Variants in C3orf22 observed in about 807,000 individuals in gnomAD.
C3orf22 encodes uncharacterized protein C3orf22.
Under a neutral mutation model 10.8 loss-of-function variants are expected in C3orf22, and 7 were observed. The ratio of observed to expected loss-of-function variants is 0.65; its 90% CI spans 0.37 to 1.22. The LOEUF (loss-of-function observed/expected upper bound fraction) is 1.22. Among genes scored for constraint, C3orf22 ranks in the 50% most tolerant of loss-of-function variants. C3orf22 has a pLI of 0.02. For missense variants in C3orf22, 173 were observed against 177.0 expected, an observed-to-expected ratio of 0.98 and a Z score of 0.13; for synonymous variants, 79 against 78.9, an observed-to-expected ratio of 1.00 and a Z score of 0.00.
intron 4 of C3orf22, among the ~76,000 whole-genome samples, chr3:126,543,908 G>T (rs1357278442): frequency 6.6e-6 from 1 of 152,246 alleles, no homozygotes; most frequent in South Asian, 2.1e-4. Context: ...TCCCCATGAG[G>T]CCTCCCCCAG....
At chr3:126,556,833 T>A (rs79953019) in intron 1 of C3orf22, among the ~76,000 whole-genome samples, 16 of 146,482 alleles carry the variant, frequency 1.1e-4, no homozygotes, top group African/African-American at 1.5e-4. Context: ...ACATACACAC[T>A]CACACACAGA....
At chr3:126,552,212 C>A (rs928950928) in intron 2 of C3orf22, 90 bp from the exon 3 acceptor site, 1 of 1,589,634 alleles carries the variant, frequency 6.3e-7, no homozygotes, top group African/African-American at 1.4e-5. Flanking sequence ...ATCTGCTAGG[C>A]ACTGTTCTAA....
chr3:126,528,216 A>G (rs1222832205), intron 5 of C3orf22, among the ~76,000 whole-genome samples: 1 of 151,942 alleles, frequency 6.6e-6, no homozygotes, highest in South Asian at 2.1e-4. Flanking sequence ...TCAGTCATGA[A>G]TAGTCTTGAA....
downstream of C3orf22, among the ~76,000 whole-genome samples, chr3:126,549,036 C>T (rs535701389): frequency 6.6e-6 from 1 of 152,276 alleles, no homozygotes; most frequent in South Asian, 2.1e-4. Context: ...CAGCAGGCAC[C>T]CCGCTGCCCA....
At chr3:126,552,389 C>T (rs989469635) in intron 2 of C3orf22, among the ~76,000 whole-genome samples, 3 of 152,234 alleles carry the variant, frequency 2.0e-5, no homozygotes, top group African/African-American at 2.4e-5. Context: ...AGCAGCCAAA[C>T]GGTGCAGAGC....
intron 4 of C3orf22, chr3:126,541,930 G>A (rs2107573814): frequency 1.3e-6 from 2 of 1,594,286 alleles, no homozygotes; most frequent in Non-Finnish European, 1.7e-6. Flanking sequence ...TGCTGCTGGC[G>A]CTGAGCGGCC....
intron 3 of C3orf22, among the ~76,000 whole-genome samples, chr3:126,550,561 C>A (rs912882222): frequency 2.0e-5 from 3 of 152,230 alleles, no homozygotes; most frequent in Non-Finnish European, 2.9e-5. Flanking sequence ...TTGACTGTCT[C>A]CGCAGCTCCC....
chr3:126,541,474 G>GC (rs1936954903), intron 4 of C3orf22, among the ~76,000 whole-genome samples: 1 of 152,174 alleles, frequency 6.6e-6, no homozygotes, highest in Non-Finnish European at 1.5e-5. Flanking sequence ...TCCTCTGAGT[G>GC]CCCCACGGCA....
chr3:126,542,174 C>G, intron 4 of C3orf22: 1 of 1,467,054 alleles, frequency 6.8e-7, no homozygotes, highest in Non-Finnish European at 9.0e-7. Flanking sequence ...CGTTCAGCGC[C>G]TGCGGCCGCG....
intron 4 of C3orf22, chr3:126,542,020 C>A: frequency 6.4e-7 from 1 of 1,567,716 alleles, no homozygotes; most frequent in Non-Finnish European, 8.6e-7. Context: ...CCGACTTCAG[C>A]CCCGCCGAGA....
chr3:126,552,240 G>C, intron 2 of C3orf22, 118 bp from the exon 3 acceptor site: 1 of 1,467,340 alleles, frequency 6.8e-7, no homozygotes, highest in Non-Finnish European at 9.2e-7. Context: ...ACAAATATTA[G>C]CCCATATGTC....
intron 4 of C3orf22, among the ~76,000 whole-genome samples, chr3:126,539,762 CCACACACACAG>C (rs919167619): frequency 1.3e-4 from 13 of 99,172 alleles, no homozygotes; most frequent in Middle Eastern, 6.8e-3. Context: ...ACACTCCACA[CCACACACACAG>C]CACACACACA....
Position 126,552,086 on chromosome 3 carries a change from C to T in C3orf22, c.126G>A (p.Leu42=), listed in dbSNP as rs915464706. The T allele has an allele frequency of 1.2e-6, 2 of 1,613,706 alleles. No individual in the cohort carries two copies. Among genetic ancestry groups the T allele is most frequent in the Admixed American group, 1.7e-5 (1 of 59,854 alleles). ...AGTCGTTTGTGACCTCCCAGGGCTGCAGGGGCTCAGGGTCGGGCTCTGTCA... is the reference window on the plus strand; with the variant it reads ...AGTCGTTTGTGACCTCCCAGGGCTGTAGGGGCTCAGGGTCGGGCTCTGTCA... The part of the protein sequence containing the change: ...SWLTEPDPEP[L]QPWEVTNDSN... Residue 42 remains leucine (L), a synonymous_variant, in exon 3 of 4, where the codon CTG becomes CTA. Transcript: ENST00000318225.
downstream of C3orf22, among the ~76,000 whole-genome samples, chr3:126,545,125 A>C (rs553980209): frequency 6.6e-5 from 10 of 152,392 alleles, no homozygotes; most frequent in Non-Finnish European, 1.3e-4. Flanking sequence ...AGAGCTGGAC[A>C]ACACAGGGGG....
chr3:126,544,638 CA>C (rs1224232298), intron 4 of C3orf22, among the ~76,000 whole-genome samples: 1 of 152,216 alleles, frequency 6.6e-6, no homozygotes, highest in East Asian at 1.9e-4. Context: ...AGCTCCCACA[CA>C]GCCCCCGATG....
downstream of C3orf22, among the ~76,000 whole-genome samples, chr3:126,547,824 G>C (rs905745362): frequency 6.6e-6 from 1 of 152,170 alleles, no homozygotes. Context: ...GGAATGCCTA[G>C]AGCAGCAGCA....
In C3orf22 at chr3:126,556,949, TACACACAG is replaced by T. The variant is rs1559756728; in HGVS notation, c.-41+1670_-41+1677del. Among the ~76,000 whole-genome samples, 5 of 145,916 alleles carry T rather than the reference TACACACAG, an allele frequency of 3.4e-5. No individual in the cohort carries two copies. In the South Asian group the frequency reaches 6.6e-4, roughly 19 times the overall value. On this transcript the variant is annotated intron_variant, in intron 1 of 3. Transcript: ENST00000318225. ...AGACACATACACACTCACACACTCA[TACACACAG>T]ACACACATAGATTCACATACACACA...
intron 4 of C3orf22, among the ~76,000 whole-genome samples, chr3:126,531,702 T>A (rs779381505): frequency 6.6e-6 from 1 of 152,242 alleles, no homozygotes. Flanking sequence ...ATTTTTATTA[T>A]CCATTCATCA....
chr3:126,535,962 G>C (rs1194514821), intron 4 of C3orf22, among the ~76,000 whole-genome samples: 1 of 152,226 alleles, frequency 6.6e-6, no homozygotes, highest in Non-Finnish European at 1.5e-5. Context: ...TGGGTGATCT[G>C]GCCTTTCCTA....
Sources: gnomAD v4.1 joint callset for allele counts (sites outside exome capture counted in the v4.1 genomes callset) on GRCh38, gnomAD v4.1.1 for gene constraint, MANE v1.5 for transcripts, NCBI Gene and HGNC (gene_info 2026-07-23, HGNC 2026-07-21) for gene names.